PWWP3B: variants seen among roughly 807,000 people sequenced by gnomAD.
PWWP3B encodes the protein PWWP domain-containing DNA repair factor 3B.
A neutral mutation model predicts 15.7 loss-of-function variants in PWWP3B; 5 were observed. The ratio of observed to expected loss-of-function variants is 0.32; its 90% CI spans 0.17 to 0.67. PWWP3B has a LOEUF of 0.67. PWWP3B is among the 30% of genes least tolerant of loss of function. The pLI, the probability that PWWP3B is intolerant of heterozygous loss-of-function variation, is 0.74. For synonymous variants in PWWP3B, 203 were observed against 179.8 expected, an observed-to-expected ratio of 1.13 and a Z score of -1.03; for missense variants, 519 against 493.1, an observed-to-expected ratio of 1.05 and a Z score of -0.50.
intron 2 of PWWP3B, among the ~76,000 whole-genome samples, chrX:106,185,492 A>G (rs755360528): frequency 9.0e-6 from 1 of 111,441 alleles, no homozygotes; most frequent in Non-Finnish European, 1.9e-5. Context: ...TGTGCTCACC[A>G]GTGCAGCAGC....
At chrX:106,183,793 A>G (rs1313032312) in intron 2 of PWWP3B, among the ~76,000 whole-genome samples, 2 of 111,993 alleles carry the variant, frequency 1.8e-5, no homozygotes, top group Non-Finnish European at 3.8e-5. Flanking sequence ...GGTTAAACAT[A>G]TCCGGGGCTC....
At chrX:106,181,848 A>G (rs1460801595) in intron 2 of PWWP3B, among the ~76,000 whole-genome samples, 1 of 111,955 alleles carries the variant, frequency 8.9e-6, no homozygotes, top group Non-Finnish European at 1.9e-5. Context: ...GATGGCCTTG[A>G]TCCTAGAAGA....
At chrX:106,193,429 G>A (rs1201775358) in intron 2 of PWWP3B, among the ~76,000 whole-genome samples, 2 of 111,542 alleles carry the variant, frequency 1.8e-5, no homozygotes, top group African/African-American at 3.3e-5. Context: ...GAGCCTATGT[G>A]TGTCTCTGCA....
chrX:106,187,594 A>T (rs771069716), intron 2 of PWWP3B, among the ~76,000 whole-genome samples: 26 of 111,928 alleles, frequency 2.3e-4, no homozygotes, highest in Non-Finnish European at 4.5e-4. Flanking sequence ...ACTTGGGTTG[A>T]TCATTATTAC....
At chrX:106,169,677 C>T (rs779288086) in intron 1 of PWWP3B, among the ~76,000 whole-genome samples, 70 of 111,630 alleles carry the variant, frequency 6.3e-4, no homozygotes, top group Non-Finnish European at 9.6e-4. Flanking sequence ...AGGAATAATT[C>T]GTAAAATGTT....
chrX:106,204,977 C>G (rs1923906838), intron 3 of PWWP3B, among the ~76,000 whole-genome samples: 1 of 111,110 alleles, frequency 9.0e-6, no homozygotes, highest in South Asian at 3.8e-4. Flanking sequence ...CATACATTCA[C>G]TCCTTAGTAA....
At chrX:106,175,066 A>G (rs1301157365) in intron 2 of PWWP3B, among the ~76,000 whole-genome samples, 1 of 107,735 alleles carries the variant, frequency 9.3e-6, no homozygotes, top group Admixed American at 9.9e-5. Flanking sequence ...AGAAGAAAAA[A>G]GCATAGTGCA....
chrX:106,172,776 A>C (rs1389876125), intron 2 of PWWP3B, among the ~76,000 whole-genome samples: 1 of 111,787 alleles, frequency 8.9e-6, no homozygotes, highest in Non-Finnish European at 1.9e-5. Context: ...ACAGTCATTT[A>C]TTATCACTAT....
chrX:106,189,641 G>A (rs1310262712), intron 2 of PWWP3B, among the ~76,000 whole-genome samples: 9 of 93,064 alleles, frequency 9.7e-5, no homozygotes, highest in South Asian at 5.7e-4. Flanking sequence ...TTTCTGAGAC[G>A]GAGTCTCGCT....
At chrX:106,176,046 G>A (rs1010173648) in intron 2 of PWWP3B, among the ~76,000 whole-genome samples, 5 of 110,999 alleles carry the variant, frequency 4.5e-5, no homozygotes, top group Non-Finnish European at 7.6e-5. Context: ...AGGAAGTTGC[G>A]GGGTATTGAT....
intron 2 of PWWP3B, among the ~76,000 whole-genome samples, chrX:106,193,885 T>G (rs1308063524): frequency 8.9e-6 from 1 of 112,519 alleles, no homozygotes; most frequent in Non-Finnish European, 1.9e-5. Flanking sequence ...TCTTCTGGCT[T>G]GTAGAGTTTC....
rs762675195 is a variant in PWWP3B at position 106,206,263 on chromosome X, G to T, written c.831G>T (p.Glu277Asp). The T allele has an allele frequency of 8.3e-7, 1 of 1,206,242 alleles. No homozygotes were observed. Among genetic ancestry groups the T allele is most frequent in the Non-Finnish European group, 1.1e-6 (1 of 892,308 alleles). ...AVPSECSAFSENIEDPGEGPS... is the reference protein window; with the variant it reads ...AVPSECSAFSDNIEDPGEGPS... ...CCTCTGAATGCTCTGCTTTCTCAGA[G>T]AATATTGAGGATCCTGGAGAGGGTC... Residue 277 changes from glutamate (E) to aspartate (D), a missense_variant, in exon 4 of 4, where the codon GAG (glutamate) becomes GAT (aspartate). Glu to Asp is a conservative substitution (Grantham distance 45, BLOSUM62 2). Transcript: ENST00000357175.
chrX:106,189,853 G>T (rs1333911233), intron 2 of PWWP3B, among the ~76,000 whole-genome samples: 1 of 111,150 alleles, frequency 9.0e-6, no homozygotes, highest in Admixed American at 9.5e-5. Flanking sequence ...TCCTGACCTC[G>T]TGATCCGCCT....
chrX:106,190,429 A>G lies in PWWP3B; in HGVS notation c.-400-13556A>G, dbSNP rs1922853460. On this transcript the variant is annotated intron_variant, in intron 2 of 3. Coordinates refer to ENST00000357175, the MANE Select transcript of PWWP3B (RefSeq NM_001171020.2). The stretch of plus-strand genomic sequence containing the variant: ...TTGTAAATTTGTTTGAGTTCATTGT[A>G]GATTCTGGATATTAGCCCTTTGTCA... Among the ~76,000 whole-genome samples the G allele has an allele frequency of 2.7e-5, 3 of 111,555 alleles. No individual in the cohort carries two copies. In the Admixed American group the frequency reaches 2.9e-4, roughly 11 times the overall value.
chrX:106,187,402 G>A (rs1922583901), intron 2 of PWWP3B, among the ~76,000 whole-genome samples: 1 of 111,700 alleles, frequency 9.0e-6, no homozygotes, highest in Admixed American at 9.5e-5. Flanking sequence ...TGTAAGTTTT[G>A]CCTGGGAATA....
chrX:106,186,581 G>A (rs1475678025), intron 2 of PWWP3B, among the ~76,000 whole-genome samples: 1 of 111,299 alleles, frequency 9.0e-6, no homozygotes, highest in Non-Finnish European at 1.9e-5. Context: ...TCCAGAGTTG[G>A]TTCCTTCTGG....
In PWWP3B at chrX:106,207,062, C is replaced by T. The variant is rs1250645990; in HGVS notation, c.1630C>T (p.Arg544Trp). The stretch of plus-strand genomic sequence containing the variant: ...GTCCTTCCAAAAAATTCTCCCTGAC[C>T]GGATGAAGGCTGCTCGGGACCGAGC... Reference protein sequence around the residue: ...KMSFQKILPDRMKAARDRANK... With the variant: ...KMSFQKILPDWMKAARDRANK... Residue 544 changes from arginine to tryptophan, a missense_variant, in exon 4 of 4, where the codon CGG becomes TGG. Transcript: ENST00000357175. 1 of 1,206,647 alleles carries T rather than the reference C, an allele frequency of 8.3e-7. No individual in the cohort carries two copies. The highest frequency in any genetic ancestry group is 1.1e-6 in the Non-Finnish European group (1 of 892,779).
intron 2 of PWWP3B, among the ~76,000 whole-genome samples, chrX:106,194,824 T>G (rs1245799305): frequency 8.9e-6 from 1 of 112,036 alleles, no homozygotes; most frequent in African/African-American, 3.3e-5. Flanking sequence ...CCTGTTTGCC[T>G]GGGTATCAGC....
intron 2 of PWWP3B, among the ~76,000 whole-genome samples, chrX:106,189,612 C>CTTT (rs1277003635): frequency 4.2e-4 from 33 of 77,830 alleles, no homozygotes; most frequent in Non-Finnish European, 5.3e-4. Context: ...GCCACATTTT[C>CTTT]TTTTTTTTTT....
Sources: gnomAD v4.1 joint callset for allele counts (sites outside exome capture counted in the v4.1 genomes callset) on GRCh38, gnomAD v4.1.1 for gene constraint, MANE v1.5 for transcripts, NCBI Gene and HGNC (gene_info 2026-07-23, HGNC 2026-07-21) for gene names.